Variants in HTR1E observed in about 807,000 individuals in gnomAD.
The protein encoded by HTR1E is 5-hydroxytryptamine receptor 1E, also known as 5-HT-1E.
Under a neutral mutation model 3.4 loss-of-function variants are expected in HTR1E, and 3 were observed. That is an observed-to-expected ratio of 0.89 (90% CI 0.41 to 2.31). The LOEUF (loss-of-function observed/expected upper bound fraction) is 2.31, where lower values mean the gene tolerates loss of function less well. HTR1E is among the 30% of genes most tolerant of loss of function. HTR1E has a pLI of 0.05. For synonymous variants in HTR1E, 170 were observed against 182.8 expected (o/e 0.93, Z 0.56); for missense variants, 392 against 467.0 (o/e 0.84, Z 1.48).
At chr6:86,998,596 C>T (rs185173400) in intron 1 of HTR1E, among the ~76,000 whole-genome samples, 1 of 151,992 alleles carries the variant, frequency 6.6e-6, no homozygotes, top group Non-Finnish European at 1.5e-5. Context: ...ATGGATAATT[C>T]TAGGTGCTTA....
Position 87,015,421 on chromosome 6 carries a change from G to T in HTR1E, c.87G>T (p.Leu29=), listed in dbSNP as rs1768305285. ...AGAAGATGCTCATTTGCATGACTCT[G>T]GTGGTCATCACCACCCTCACCACGT... ...ITEKMLICMT[L]VVITTLTTLL... is the part of the protein sequence containing the mutation. The change falls in exon 2 of 2, where the codon CTG becomes CTT. Residue 29 remains leucine, a synonymous_variant. Coordinates refer to ENST00000305344, the MANE Select transcript of HTR1E (RefSeq NM_000865.3). 1 of 1,613,594 alleles carries T rather than the reference G, an allele frequency of 6.2e-7. No homozygotes were observed. The highest frequency in any genetic ancestry group is 1.3e-5 in the African/African-American group (1 of 74,876).
At chr6:86,962,589 A>G (rs1178403089) in intron 1 of HTR1E, among the ~76,000 whole-genome samples, 1 of 152,218 alleles carries the variant, frequency 6.6e-6, no homozygotes, top group East Asian at 1.9e-4. Flanking sequence ...TGTAGTCCCA[A>G]CACTTTGGGA....
At chr6:86,940,330 G>C (rs1008302581) in intron 1 of HTR1E, among the ~76,000 whole-genome samples, 1 of 152,114 alleles carries the variant, frequency 6.6e-6, no homozygotes, top group African/African-American at 2.4e-5. Context: ...GAGCCCATGA[G>C]TTCGAGACCA....
chr6:86,956,515 C>T (rs530810855), intron 1 of HTR1E, among the ~76,000 whole-genome samples: 1 of 152,212 alleles, frequency 6.6e-6, no homozygotes, highest in South Asian at 2.1e-4. Flanking sequence ...GCCCTGCCAC[C>T]ATCACTGCTT....
intron 1 of HTR1E, among the ~76,000 whole-genome samples, chr6:86,939,035 A>C (rs1326977050): frequency 2.6e-5 from 4 of 152,198 alleles, no homozygotes; most frequent in African/African-American, 9.7e-5. Context: ...CTTCATGAGG[A>C]GCATATGTGA....
chr6:87,005,696 A>AT (rs1768093251), intron 1 of HTR1E, among the ~76,000 whole-genome samples: 1 of 152,146 alleles, frequency 6.6e-6, no homozygotes, highest in Non-Finnish European at 1.5e-5. Context: ...ATTTCTTGAG[A>AT]AATACTCCAC....
At chr6:87,010,847 C>G (rs933029275) in intron 1 of HTR1E, among the ~76,000 whole-genome samples, 3 of 152,128 alleles carry the variant, frequency 2.0e-5, no homozygotes, top group Admixed American at 2.0e-4. Context: ...CCTCCAGCCG[C>G]TGCCTCCCGG....
chr6:86,949,975 A>G (rs1767204103), intron 1 of HTR1E, among the ~76,000 whole-genome samples: 1 of 152,130 alleles, frequency 6.6e-6, no homozygotes, highest in African/African-American at 2.4e-5. Context: ...GTCTCTCCCA[A>G]ATGTAAATCA....
At chr6:87,009,439 GAA>G (rs1016197611) in intron 1 of HTR1E, among the ~76,000 whole-genome samples, 11 of 151,994 alleles carry the variant, frequency 7.2e-5, no homozygotes, top group African/African-American at 2.2e-4. Flanking sequence ...AGAACAAAAT[GAA>G]AAGTCTCCCA....
At chr6:86,969,666 A>G (rs531491973) in intron 1 of HTR1E, among the ~76,000 whole-genome samples, 5 of 152,274 alleles carry the variant, frequency 3.3e-5, no homozygotes, top group African/African-American at 1.2e-4. Flanking sequence ...GTCAGTTACC[A>G]AGTTTCTCTC....
chr6:86,976,754 A>G (rs370133621), intron 1 of HTR1E, among the ~76,000 whole-genome samples: 2 of 152,196 alleles, frequency 1.3e-5, no homozygotes, highest in East Asian at 1.9e-4. Context: ...ATCCAGAAAA[A>G]TGTCTTGTCT....
rs1489362456 is a variant in HTR1E, at chr6:87,015,340, C to A, written c.6C>A (p.Asn2Lys). 2 of 1,546,062 alleles carry A rather than the reference C, an allele frequency of 1.3e-6. No individual in the cohort carries two copies. Among genetic ancestry groups the A allele is most frequent in the Non-Finnish European group, 1.8e-6 (2 of 1,142,522 alleles). The change falls in exon 2 of 2, where the codon AAC becomes AAA. Residue 2 changes from asparagine (N) to lysine (K), a missense_variant. Transcript: ENST00000305344. MNITNCTTEASM... is the reference protein window; with the variant it reads MKITNCTTEASM... ...TAGACTGAAACAAGGGAAACATGAACATCACAAACTGTACCACAGAGGCCA... is the reference window on the plus strand; with the variant it reads ...TAGACTGAAACAAGGGAAACATGAAAATCACAAACTGTACCACAGAGGCCA...
At chr6:86,940,675 G>T (rs569814337) in intron 1 of HTR1E, among the ~76,000 whole-genome samples, 7 of 152,164 alleles carry the variant, frequency 4.6e-5, no homozygotes, top group African/African-American at 1.7e-4. Flanking sequence ...TTTTTTTCAT[G>T]TTTGTTTTGA....
intron 1 of HTR1E, among the ~76,000 whole-genome samples, chr6:86,949,517 C>T (rs570750490): frequency 1.3e-5 from 2 of 152,168 alleles, no homozygotes; most frequent in South Asian, 4.1e-4. Flanking sequence ...CTAAGCCTAT[C>T]GTCATCTTTA....
chr6:87,010,053 C>T (rs1371077060), intron 1 of HTR1E, among the ~76,000 whole-genome samples: 18 of 123,196 alleles, frequency 1.5e-4, no homozygotes, highest in Non-Finnish European at 2.2e-4. Context: ...GCTGGCCAGG[C>T]GGGGGGCTGA....
intron 1 of HTR1E, among the ~76,000 whole-genome samples, chr6:86,958,057 ATTT>A (rs1247030477): frequency 7.6e-6 from 1 of 131,190 alleles, no homozygotes. Flanking sequence ...CAATAGAGGC[ATTT>A]TTTTTTTTTT....
At chr6:86,940,010 C>T (rs532542648) in intron 1 of HTR1E, among the ~76,000 whole-genome samples, 1 of 152,152 alleles carries the variant, frequency 6.6e-6, no homozygotes, top group Non-Finnish European at 1.5e-5. Flanking sequence ...ACGAAGTCAG[C>T]GTTTTTCAGA....
At chr6:86,956,343 C>T (rs1302673247) in intron 1 of HTR1E, among the ~76,000 whole-genome samples, 1 of 152,134 alleles carries the variant, frequency 6.6e-6, no homozygotes, top group Non-Finnish European at 1.5e-5. Flanking sequence ...AAGCCTGCTA[C>T]TTGGAGGATT....
At chr6:86,972,411 A>G (rs921717230) in intron 1 of HTR1E, among the ~76,000 whole-genome samples, 2 of 152,198 alleles carry the variant, frequency 1.3e-5, no homozygotes, top group Admixed American at 6.5e-5. Context: ...AACTTTTACA[A>G]GGCTCTTCTC....
Sources: allele counts gnomAD v4.1 joint callset (sites outside exome capture counted in the v4.1 genomes callset), GRCh38; gene constraint gnomAD v4.1.1; transcripts MANE v1.5; gene names NCBI Gene and HGNC (gene_info 2026-07-23, HGNC 2026-07-21).